Variants in ZMYND8 observed in about 807,000 individuals in gnomAD.
ZMYND8 encodes zinc finger MYND-type containing 8.
Under a neutral mutation model 140.8 loss-of-function variants are expected in ZMYND8, and 37 were observed. That is an observed-to-expected ratio of 0.26 (90% confidence interval 0.20 to 0.35). ZMYND8 has a LOEUF of 0.35. Among genes scored for constraint, ZMYND8 ranks in the 10% least tolerant of loss-of-function variants. The pLI is 1.00. For missense variants in ZMYND8, 1,068 were observed against 1,570.0 expected, an observed-to-expected ratio of 0.68 and a Z score of 5.40; for synonymous variants, 592 against 597.1, an observed-to-expected ratio of 0.99 and a Z score of 0.12.
At chr20:47,257,367 C>A (rs1487732857) in intron 12 of ZMYND8, among the ~76,000 whole-genome samples, 2 of 151,906 alleles carry the variant, frequency 1.3e-5, no homozygotes, top group Non-Finnish European at 2.9e-5. Flanking sequence ...TACATACACA[C>A]AAATACCATA....
intron 1 of ZMYND8, chr20:47,356,337 AAAAAAAAAAGAAG>A (rs2083234301): frequency 5.6e-6 from 8 of 1,436,096 alleles, no homozygotes; most frequent in Non-Finnish European, 7.3e-6. Context: ...GGGAAAGAAA[AAAAAAAAAAGAAG>A]GAAAAAAAAA....
chr20:47,310,261 A>AG, intron 2 of ZMYND8, 57 bp from the exon 3 acceptor site: 1 of 1,538,216 alleles, frequency 6.5e-7, no homozygotes, highest in Non-Finnish European at 8.7e-7. Flanking sequence ...TGGGCCCCAC[A>AG]GGGAGGAGGT....
intron 1 of ZMYND8, chr20:47,356,349 A>T: frequency 6.8e-7 from 1 of 1,460,444 alleles, no homozygotes; most frequent in South Asian, 1.3e-5. Flanking sequence ...AAAAAAAAGA[A>T]GGAAAAAAAA....
chr20:47,210,081 T>G lies in ZMYND8; in HGVS notation c.*680A>C, dbSNP rs1340889105. Reference sequence around the variant, plus strand: ...GATATTGTTTTTTCCCTTTTAGGAGTAGAGTCATCATTTCAATCACATGAA... The same window carrying G: ...GATATTGTTTTTTCCCTTTTAGGAGGAGAGTCATCATTTCAATCACATGAA... On this transcript the variant is annotated 3_prime_UTR_variant, in exon 23 of 23. Coordinates refer to ENST00000471951, the MANE Select transcript of ZMYND8 (RefSeq NM_001281775.3). 3 of 152,534 alleles carry G rather than the reference T, an allele frequency of 2.0e-5. No individual in the cohort carries two copies. Among genetic ancestry groups the G allele is most frequent in the Non-Finnish European group, 2.9e-5 (2 of 68,040 alleles). The allele number at this position is 152,534 out of a possible 1,614,324, so 9.4% of individuals were successfully genotyped here.
At chr20:47,316,330 CAAA>C (rs796788882) in intron 2 of ZMYND8, among the ~76,000 whole-genome samples, 7 of 93,100 alleles carry the variant, frequency 7.5e-5, no homozygotes, top group Admixed American at 3.6e-4. Flanking sequence ...GACTTTGTCT[CAAA>C]AAAAAAAAAA....
At chr20:47,296,785 G>C (rs571478788) in intron 4 of ZMYND8, among the ~76,000 whole-genome samples, 1 of 151,810 alleles carries the variant, frequency 6.6e-6, no homozygotes, top group African/African-American at 2.4e-5. Flanking sequence ...GCAAGACCCT[G>C]TCTCTACAAA....
intron 12 of ZMYND8, among the ~76,000 whole-genome samples, chr20:47,257,726 A>G (rs2074856677): frequency 6.6e-6 from 1 of 152,220 alleles, no homozygotes; most frequent in African/African-American, 2.4e-5. Context: ...ATACTTATAT[A>G]CCATATATTC....
chr20:47,343,405 T>G (rs1361494243), intron 2 of ZMYND8, among the ~76,000 whole-genome samples: 1 of 152,166 alleles, frequency 6.6e-6, no homozygotes, highest in East Asian at 1.9e-4. Flanking sequence ...TAAGTAGTAT[T>G]GGATTACAAC....
intron 2 of ZMYND8, among the ~76,000 whole-genome samples, chr20:47,327,467 A>G (rs2080529892): frequency 6.6e-6 from 1 of 151,990 alleles, no homozygotes; most frequent in Non-Finnish European, 1.5e-5. Flanking sequence ...CAGCCTGGCC[A>G]ACATGATGAA....
intron 4 of ZMYND8, among the ~76,000 whole-genome samples, chr20:47,295,669 A>C (rs1359630906): frequency 2.0e-5 from 3 of 152,230 alleles, no homozygotes; most frequent in African/African-American, 7.2e-5. Context: ...ACTGTGTCAA[A>C]GTACACAAGG....
At chr20:47,253,948 G>T (rs1207313153) in intron 12 of ZMYND8, among the ~76,000 whole-genome samples, 1 of 152,210 alleles carries the variant, frequency 6.6e-6, no homozygotes, top group Non-Finnish European at 1.5e-5. Context: ...ACCACCAAAT[G>T]GCTAGGGGCT....
chr20:47,226,201 G>A (rs988740518), intron 18 of ZMYND8, among the ~76,000 whole-genome samples: 7 of 151,250 alleles, frequency 4.6e-5, no homozygotes, highest in Non-Finnish European at 7.4e-5. Flanking sequence ...CCAAATCAGC[G>A]TCCAGAAAGA....
At chr20:47,300,852 C>A (rs1222674912) in intron 3 of ZMYND8, among the ~76,000 whole-genome samples, 1 of 150,630 alleles carries the variant, frequency 6.6e-6, no homozygotes, top group Non-Finnish European at 1.5e-5. Flanking sequence ...GTAGCTGGGA[C>A]TACAGGTGAG....
chr20:47,238,991 G>A lies in ZMYND8; in HGVS notation c.2432C>T (p.Ala811Val), dbSNP rs751156664. 1.2e-6 allele frequency: 2 copies of A among 1,609,740 alleles called. No individual in the cohort carries two copies. The highest frequency in any genetic ancestry group is 8.5e-7 in the Non-Finnish European group (1 of 1,176,502). Residue 811 changes from alanine (A) to valine (V), a missense_variant, in exon 15 of 23, where the codon GCC becomes GTC. Transcript: ENST00000471951. ...TSSTVTVTAP[A>V]PAATGSPVKK... The stretch of plus-strand genomic sequence containing the variant: ...CACTGGGCTTCCTGTGGCGGCGGGG[G>A]CCGGGGCCGTGACGGTGACCGTGGA...
intron 6 of ZMYND8, among the ~76,000 whole-genome samples, chr20:47,290,653 G>A (rs1046448901): frequency 6.5e-5 from 9 of 137,492 alleles, no homozygotes; most frequent in African/African-American, 2.3e-4. Flanking sequence ...GTGCAATGGC[G>A]TGATCTCGGC....
chr20:47,268,284 C>T (rs571259400), intron 11 of ZMYND8, among the ~76,000 whole-genome samples: 1 of 140,198 alleles, frequency 7.1e-6, no homozygotes, highest in African/African-American at 2.7e-5. Flanking sequence ...TGGTGAAACC[C>T]CGTCTCTTTT....
intron 11 of ZMYND8, among the ~76,000 whole-genome samples, chr20:47,266,831 G>GGT (rs995017117): frequency 6.6e-6 from 1 of 151,994 alleles, no homozygotes; most frequent in Non-Finnish European, 1.5e-5. Context: ...GTGTGTGTGT[G>GGT]GTGTGTGGTG....
chr20:47,355,531 A>C (rs2083150231), intron 1 of ZMYND8: 6 of 985,210 alleles, frequency 6.1e-6, no homozygotes, highest in Non-Finnish European at 7.2e-6. Flanking sequence ...CTTGATCAAA[A>C]AGGAAATTTT....
intron 11 of ZMYND8, among the ~76,000 whole-genome samples, chr20:47,269,064 T>C (rs915824564): frequency 2.6e-5 from 4 of 152,058 alleles, no homozygotes; most frequent in African/African-American, 9.7e-5. Context: ...CCAGGTGTGT[T>C]GGCACATGCC....
Sources: allele counts gnomAD v4.1 joint callset (sites outside exome capture counted in the v4.1 genomes callset), GRCh38; gene constraint gnomAD v4.1.1; transcripts MANE v1.5; gene names NCBI Gene and HGNC (gene_info 2026-07-23, HGNC 2026-07-21).